PRKG1: variants seen among roughly 807,000 people sequenced by gnomAD.
The protein encoded by PRKG1 is cGMP-dependent protein kinase 1.
PRKG1 carries 35 observed loss-of-function variants against 88.1 expected under a neutral mutation model. The observed-to-expected ratio is 0.40, with a 90% CI of 0.30 to 0.53. The LOEUF (loss-of-function observed/expected upper bound fraction) is 0.53. PRKG1 is among the 20% of genes least tolerant of loss of function. The probability of loss-of-function intolerance (pLI) is 0.59; values close to 1 mark genes in which losing one functional copy is unlikely to be tolerated. For synonymous variants in PRKG1, 303 were observed against 292.5 expected (o/e 1.04, Z -0.37); for missense variants, 540 against 839.8 (o/e 0.64, Z 4.41).
intron 5 of PRKG1, among the ~76,000 whole-genome samples, chr10:51,930,304 C>A (rs1283004670): frequency 1.3e-5 from 2 of 151,942 alleles, no homozygotes; most frequent in African/African-American, 4.8e-5. Context: ...AGTTATGGAG[C>A]TGAATGATGG....
chr10:51,972,362 T>C (rs12248575), intron 5 of PRKG1, among the ~76,000 whole-genome samples: 501 of 152,324 alleles, frequency 3.3e-3, no homozygotes, highest in African/African-American at 0.012. Flanking sequence ...ATTGCAGCAA[T>C]GCTGTTCTTG....
At chr10:51,916,819 C>T (rs1842350468) in intron 5 of PRKG1, among the ~76,000 whole-genome samples, 1 of 152,102 alleles carries the variant, frequency 6.6e-6, no homozygotes, top group Admixed American at 6.5e-5. Flanking sequence ...TATATTCATA[C>T]AATAAAATAT....
chr10:51,771,450 C>T (rs1451312290), intron 3 of PRKG1, among the ~76,000 whole-genome samples: 1 of 152,144 alleles, frequency 6.6e-6, no homozygotes, highest in Non-Finnish European at 1.5e-5. Flanking sequence ...ATGGACAGAG[C>T]ACTGCATTTT....
At chr10:51,111,194 A>G (rs1280995057) in intron 1 of PRKG1, among the ~76,000 whole-genome samples, 1 of 152,166 alleles carries the variant, frequency 6.6e-6, no homozygotes, top group Non-Finnish European at 1.5e-5. Context: ...GTAGGTGGGC[A>G]GTAAAGAACC....
At chr10:52,150,333 G>A (rs1342620294) in intron 8 of PRKG1, among the ~76,000 whole-genome samples, 1 of 151,884 alleles carries the variant, frequency 6.6e-6, no homozygotes, top group Admixed American at 6.6e-5. Context: ...TGCAGATGTT[G>A]GAAACAGGTT....
intron 7 of PRKG1, among the ~76,000 whole-genome samples, chr10:52,122,632 C>G (rs185738092): frequency 6.6e-6 from 1 of 152,122 alleles, no homozygotes; most frequent in Non-Finnish European, 1.5e-5. Context: ...TGTAAATTCT[C>G]CCTGGGGTGA....
rs545914681 is a variant in PRKG1, at chr10:51,713,972, A to T, written c.593-90613A>T. 1.0e-3 allele frequency among the ~76,000 whole-genome samples: 157 copies of T among 151,980 alleles called. 1 individual carries two copies. Among genetic ancestry groups the T allele is most frequent in the African/African-American group, 3.8e-3 (156 of 41,496 alleles). On this transcript the variant is annotated intron_variant, in intron 3 of 17. Coordinates refer to ENST00000373980, the MANE Select transcript of PRKG1 (RefSeq NM_006258.4). ...TCACTGTTGTTTTTATTTATTTTTTATTTTTATTCTTATTTTTATTTTTTT... is the reference window on the plus strand; with the variant it reads ...TCACTGTTGTTTTTATTTATTTTTTTTTTTTATTCTTATTTTTATTTTTTT...
At chr10:51,342,772 G>A (rs1020104729) in intron 2 of PRKG1, among the ~76,000 whole-genome samples, 2 of 152,128 alleles carry the variant, frequency 1.3e-5, no homozygotes, top group African/African-American at 2.4e-5. Flanking sequence ...AAAAACATTA[G>A]TGATTATACT....
chr10:51,106,188 A>C (rs1844828448), intron 1 of PRKG1, among the ~76,000 whole-genome samples: 1 of 152,190 alleles, frequency 6.6e-6, no homozygotes, highest in South Asian at 2.1e-4. Context: ...CCTTAATGTA[A>C]AATAGCAACA....
At chr10:51,918,975 G>C (rs529610681) in intron 5 of PRKG1, among the ~76,000 whole-genome samples, 15 of 152,242 alleles carry the variant, frequency 9.9e-5, no homozygotes, top group Non-Finnish European at 1.9e-4. Context: ...CAAGTAACAG[G>C]CTAAAGATAA....
At chr10:51,015,641 C>T (rs1006198936) in intron 1 of PRKG1, among the ~76,000 whole-genome samples, 20 of 152,220 alleles carry the variant, frequency 1.3e-4, no homozygotes, top group Admixed American at 1.0e-3. Flanking sequence ...AATCCCAGCA[C>T]TTTGGGAGGC....
intron 2 of PRKG1, among the ~76,000 whole-genome samples, chr10:51,436,598 C>T (rs755549088): frequency 6.6e-6 from 1 of 151,982 alleles, no homozygotes; most frequent in East Asian, 1.9e-4. Flanking sequence ...TAAAAGGGAA[C>T]AGAGGGACTG....
intron 3 of PRKG1, among the ~76,000 whole-genome samples, chr10:51,512,492 A>C (rs1841447336): frequency 7.8e-6 from 1 of 128,348 alleles, no homozygotes; most frequent in Non-Finnish European, 1.6e-5. Context: ...ATGGTTTCCA[A>C]TTTCATCCAT....
chr10:51,935,016 C>T (rs952613901), intron 5 of PRKG1, among the ~76,000 whole-genome samples: 2 of 152,072 alleles, frequency 1.3e-5, no homozygotes, highest in African/African-American at 4.8e-5. Flanking sequence ...CAGGATGGTT[C>T]CGGCAATGGG....
intron 2 of PRKG1, among the ~76,000 whole-genome samples, chr10:51,441,315 A>G (rs1013728346): frequency 1.3e-5 from 2 of 152,050 alleles, no homozygotes; most frequent in African/African-American, 4.8e-5. Context: ...AAACTAAAGC[A>G]TGGAAGAAGA....
In PRKG1 at chr10:51,294,729, A is replaced by T. The variant is rs569528781; in HGVS notation, c.478+141399A>T. ...TTTGATTATTATAGCTTTGTAAGAT[A>T]TATTTAAATCAGAAAGTGTGATACC... is the stretch of plus-strand genomic sequence containing the variant. On this transcript the variant is annotated intron_variant, in intron 2 of 17. Transcript: ENST00000373980. 2.6e-5 allele frequency among the ~76,000 whole-genome samples: 4 copies of T among 152,196 alleles called. No individual in the cohort carries two copies. In the East Asian group the frequency reaches 5.8e-4, roughly 22 times the overall value.
chr10:52,025,201 A>G (rs1433492558), intron 5 of PRKG1, among the ~76,000 whole-genome samples: 1 of 152,040 alleles, frequency 6.6e-6, no homozygotes, highest in Non-Finnish European at 1.5e-5. Context: ...AATTTGTTTA[A>G]GTTCTTTGTA....
intron 4 of PRKG1, among the ~76,000 whole-genome samples, chr10:51,855,472 A>G (rs1002109977): frequency 9.9e-5 from 15 of 152,284 alleles, no homozygotes; most frequent in Admixed American, 9.8e-4. Flanking sequence ...GCTCCACTCT[A>G]TGTGAACTGT....
rs972605772 is a variant in PRKG1, at chr10:52,040,567, T to C, written c.763-13917T>C. On this transcript the variant is annotated intron_variant, in intron 5 of 17. Coordinates refer to ENST00000373980, the MANE Select transcript of PRKG1 (RefSeq NM_006258.4). ...GTGTTTTGTGGGCCTGCTTTGATAT[T>C]ACTCTTAGTCGTTATATTATGTTAG... 5.3e-5 allele frequency among the ~76,000 whole-genome samples: 8 copies of C among 152,206 alleles called. No individual in the cohort carries two copies. In the East Asian group the frequency reaches 1.5e-3, roughly 29 times the overall value.
Sources: gnomAD v4.1 joint callset for allele counts (sites outside exome capture counted in the v4.1 genomes callset) on GRCh38, gnomAD v4.1.1 for gene constraint, MANE v1.5 for transcripts, NCBI Gene and HGNC (gene_info 2026-07-23, HGNC 2026-07-21) for gene names.